The following TPR variants were observed in gnomAD, a reference collection of about 807,000 sequenced individuals.
TPR encodes the protein nucleoprotein TPR.
Under a neutral mutation model 316.1 loss-of-function variants are expected in TPR, and 51 were observed. That is an observed-to-expected ratio of 0.16 (90% CI 0.13 to 0.20). The LOEUF (loss-of-function observed/expected upper bound fraction) is 0.20, where lower values mean the gene tolerates loss of function less well. Ranked by LOEUF, TPR falls within the 10% of genes least tolerant of loss-of-function variation. The pLI, the probability that TPR is intolerant of heterozygous loss-of-function variation, is 1.00. For missense variants in TPR, 2,272 were observed against 2,754.8 expected (o/e 0.82, Z 3.92); for synonymous variants, 981 against 914.7 (o/e 1.07, Z -1.31).
In TPR at chr1:186,370,966, T is replaced by C. The variant is rs749446138; in HGVS notation, c.330+4A>G. On this transcript the variant is annotated splice_donor_region_variant and intron_variant, in intron 3 of 50. Coordinates refer to ENST00000367478, the MANE Select transcript of TPR (RefSeq NM_003292.3). ...ATGAGCTTATTCTAAGAAATATCTC[T>C]TACCTGAATGGCAATATTGCGATCC... 3.1e-6 allele frequency: 5 copies of C among 1,610,180 alleles called. No homozygotes were observed. The South Asian group carries it at 5.5e-5, about 18-fold the overall frequency.
At chr1:186,318,656 A>AT (rs1657682528) in intron 47 of TPR, 53 bp from the exon 48 acceptor site, 4 of 1,603,940 alleles carry the variant, frequency 2.5e-6, no homozygotes, top group Non-Finnish European at 3.4e-6. Context: ...GGTTTATCAC[A>AT]TTTTTAGCCA....
intron 30 of TPR, among the ~76,000 whole-genome samples, chr1:186,339,029 T>G (rs940055024): frequency 1.3e-5 from 2 of 152,220 alleles, no homozygotes; most frequent in Admixed American, 1.3e-4. Context: ...CAAATTACAC[T>G]AAAGCTTACA....
intron 27 of TPR, chr1:186,343,119 T>C (rs1008103179): frequency 2.1e-6 from 1 of 477,990 alleles, no homozygotes; most frequent in Non-Finnish European, 3.4e-6. Flanking sequence ...GGTATGAAGC[T>C]AGAATCTGAA....
Position 186,346,306 on chromosome 1 carries a change from A to G in TPR, c.2944-19T>C, listed in dbSNP as rs778577751. ...CTGTCACCTTTACCATATTACAAAC[A>G]GTAGGATATAAAAATTACACACATT... On this transcript the variant is annotated intron_variant, in intron 22 of 50. Coordinates refer to ENST00000367478, the MANE Select transcript of TPR (RefSeq NM_003292.3). 5.7e-6 allele frequency: 9 copies of G among 1,590,360 alleles called. No individual in the cohort carries two copies. The highest frequency in any genetic ancestry group is 7.7e-6 in the Non-Finnish European group (9 of 1,170,548).
At chr1:186,320,865 G>A (rs537702735) in intron 45 of TPR, among the ~76,000 whole-genome samples, 6 of 152,080 alleles carry the variant, frequency 3.9e-5, no homozygotes, top group Non-Finnish European at 8.8e-5. Flanking sequence ...TAGCTCCCAA[G>A]GTTTAGGAAA....
chr1:186,327,012 TAATA>T (rs1358280709), intron 40 of TPR, among the ~76,000 whole-genome samples: 1 of 80,926 alleles, frequency 1.2e-5, no homozygotes. Context: ...ATTAAATATA[TAATA>T]TATATATTAT....
In TPR at chr1:186,355,465, C is replaced by A; in HGVS notation, c.2116G>T (p.Asp706Tyr). 6.2e-7 allele frequency: 1 copy of A among 1,612,810 alleles called. No homozygotes were observed. Among genetic ancestry groups the A allele is most frequent in the Non-Finnish European group, 8.5e-7 (1 of 1,179,818 alleles). ...QLEKLQEQVT[D>Y]LRSQNTKIST... is the part of the protein sequence containing the mutation. Reference sequence around the variant, plus strand: ...ATTTTGGTATTTTGTGATCGCAAATCTGTAACTTGTTCTTGAAGTTTCTCA... The same window carrying A: ...ATTTTGGTATTTTGTGATCGCAAATATGTAACTTGTTCTTGAAGTTTCTCA... The change falls in exon 17 of 51, where the codon GAT (aspartate) becomes TAT (tyrosine). Residue 706 changes from aspartate (D) to tyrosine (Y), a missense_variant. By Grantham distance (160) the Asp-to-Tyr change is radical (BLOSUM62 -3). This residue lies in a region of TPR where 757 missense variants were observed against 859.8 expected (regional missense o/e 0.88). Coordinates refer to ENST00000367478, the MANE Select transcript of TPR (RefSeq NM_003292.3).
At chr1:186,315,163 C>T (rs1026211690) in intron 49 of TPR, among the ~76,000 whole-genome samples, 5 of 148,006 alleles carry the variant, frequency 3.4e-5, no homozygotes, top group Non-Finnish European at 7.4e-5. Context: ...GAGATCCTGC[C>T]TTAAAAAACA....
chr1:186,343,692 T>C (rs1658586176), intron 26 of TPR, among the ~76,000 whole-genome samples: 2 of 152,328 alleles, frequency 1.3e-5, no homozygotes, highest in South Asian at 4.1e-4. Flanking sequence ...ATTTAGTTTT[T>C]CAAGAGAAAA....
At chr1:186,314,094 C>T (rs1366824479) in intron 50 of TPR, 68 bp from the exon 51 acceptor site, 2 of 1,408,580 alleles carry the variant, frequency 1.4e-6, no homozygotes, top group African/African-American at 2.9e-5. Context: ...ATTCACTTAC[C>T]CTAGTTCATT....
Position 186,343,365 on chromosome 1 carries a change from T to A in TPR, c.3711A>T (p.Glu1237Asp). The change falls in exon 27 of 51, where the codon GAA becomes GAT. Residue 1237 changes from glutamate (E) to aspartate (D), a missense_variant. Physicochemically the swap from Glu to Asp is conservative, Grantham distance 45. Transcript: ENST00000367478. ...RVELLERELQ[E>D]LQDSLNAERE... Reference sequence around the variant, plus strand: ...TTTCAGCATTTAGACTATCTTGCAGTTCCTGCAGCTCTCTTTCTAAAAGTT... The same window carrying A: ...TTTCAGCATTTAGACTATCTTGCAGATCCTGCAGCTCTCTTTCTAAAAGTT... The A allele has an allele frequency of 6.2e-7, 1 of 1,614,030 alleles. No individual in the cohort carries two copies. Among genetic ancestry groups the A allele is most frequent in the South Asian group, 1.1e-5 (1 of 91,072 alleles).
Position 186,336,485 on chromosome 1 carries a change from C to T in TPR, c.4705+11G>A. On this transcript the variant is annotated intron_variant, in intron 33 of 50. Transcript: ENST00000367478. ...TTCACTACCAAGTTCAAACTTTAAA[C>T]AGATATTTACCAGCTAAGTGTGCAA... 1 of 1,612,956 alleles carries T rather than the reference C, an allele frequency of 6.2e-7. No individual in the cohort carries two copies. Among genetic ancestry groups the T allele is most frequent in the Non-Finnish European group, 8.5e-7 (1 of 1,179,692 alleles).
At chr1:186,358,451 G>T in intron 13 of TPR, 92 bp downstream of exon 13, 1 of 890,948 alleles carries the variant, frequency 1.1e-6, no homozygotes, top group Non-Finnish European at 1.7e-6. Context: ...TTTCATACAT[G>T]GTAGTTCTAT....
Position 186,323,774 on chromosome 1 carries a change from G to A in TPR, c.6209C>T (p.Ala2070Val), listed in dbSNP as rs1657837963. The A allele has an allele frequency of 2.6e-6, 4 of 1,542,554 alleles. No homozygotes were observed. The African/African-American group carries it at 4.3e-5, about 17-fold the overall frequency. The change falls in exon 43 of 51, where the codon GCA (alanine) becomes GTA (valine). Residue 2070 changes from alanine to valine, a missense_variant. By Grantham distance (64) the Ala-to-Val change is moderately conservative (BLOSUM62 0). Around this residue, in one of 10 missense-constraint regions of TPR, gnomAD observed 435 missense variants for 461.1 expected, o/e 0.94. Coordinates refer to ENST00000367478, the MANE Select transcript of TPR (RefSeq NM_003292.3). ...SSASERQAPR[A>V]PQSPRRPPHP... ...TGGTGGGCGTCTCGGTGACTGAGGT[G>A]CTCGAGGGGCCTGTCTTTCAGATGC...
rs764097252 is a variant in TPR, at chr1:186,374,968, C to G, written c.61G>C (p.Val21Leu). 6.2e-7 allele frequency: 1 copy of G among 1,614,056 alleles called. No homozygotes were observed. The highest frequency in any genetic ancestry group is 8.5e-7 in the Non-Finnish European group (1 of 1,179,920). The stretch of plus-strand genomic sequence containing the variant: ...AGGAACTTTTCAAGTTTGTTCTGGA[C>G]AGACTTGGGCAGCTTGTTCAGCTCC... The part of the protein sequence containing the change: ...RTELNKLPKS[V>L]QNKLEKFLAD... The change falls in exon 1 of 51, where the codon GTC becomes CTC. Residue 21 changes from valine to leucine, a missense_variant. Physicochemically the swap from Val to Leu is conservative, Grantham distance 32. Around this residue, in one of 10 missense-constraint regions of TPR, gnomAD observed 549 missense variants for 598.6 expected, o/e 0.92. Coordinates refer to ENST00000367478, the MANE Select transcript of TPR (RefSeq NM_003292.3).
At chr1:186,350,035 A>G (rs1244439364) in intron 21 of TPR, among the ~76,000 whole-genome samples, 188 bp downstream of exon 21, 1 of 152,244 alleles carries the variant, frequency 6.6e-6, no homozygotes, top group African/African-American at 2.4e-5. Context: ...ATCTTTTAAG[A>G]CAGCAAATTT....
intron 13 of TPR, among the ~76,000 whole-genome samples, chr1:186,357,933 GT>G (rs1010530661): frequency 7.2e-5 from 11 of 152,104 alleles, no homozygotes; most frequent in Admixed American, 6.5e-4. Context: ...CTATTTTTTT[GT>G]GTGTGCTTTT....
At position 186,362,290 on chromosome 1, in the gene TPR, C is replaced by G. The variant is rs771941452; in HGVS notation, c.787G>C (p.Glu263Gln). 1 of 1,610,534 alleles carries G rather than the reference C, an allele frequency of 6.2e-7. No homozygotes were observed. The highest frequency in any genetic ancestry group is 8.5e-7 in the Non-Finnish European group (1 of 1,177,534). Residue 263 changes from glutamate (E) to glutamine (Q), a missense_variant and splice_region_variant, in exon 7 of 51, where the codon GAG becomes CAG. Coordinates refer to ENST00000367478, the MANE Select transcript of TPR (RefSeq NM_003292.3). ...GACATTTTAATGGTCATATATACCT[C>G]TTTTAATTTGGTCAACAGATCCTCC... Reference protein sequence around the residue: ...HVEDLLTKLKEAKEQQASMEE... With the variant: ...HVEDLLTKLKQAKEQQASMEE...
At chr1:186,338,010 T>G in intron 31 of TPR, 23 bp downstream of exon 31, 1 of 1,532,316 alleles carries the variant, frequency 6.5e-7, no homozygotes, top group East Asian at 2.3e-5. Flanking sequence ...TTTTTTTTTG[T>G]AAGATAAGTT....
Sources: allele counts gnomAD v4.1 joint callset (sites outside exome capture counted in the v4.1 genomes callset), GRCh38; gene constraint gnomAD v4.1.1; regional missense constraint gnomAD v4.1.1; transcripts MANE v1.5; gene names NCBI Gene and HGNC (gene_info 2026-07-23, HGNC 2026-07-21).